Variants in SLC7A6 observed in about 807,000 individuals in gnomAD.
SLC7A6 encodes solute carrier family 7 member 6, also known as Y+L amino acid transporter 2.
SLC7A6 carries 29 observed loss-of-function variants against 46.6 expected under a neutral mutation model. The ratio of observed to expected loss-of-function variants is 0.62; its 90% CI spans 0.46 to 0.85. SLC7A6 has a LOEUF of 0.85. Among genes scored for constraint, SLC7A6 ranks in the 40% least tolerant of loss-of-function variants. SLC7A6 has a pLI of 0.00. For synonymous variants in SLC7A6, 276 were observed against 257.3 expected, an observed-to-expected ratio of 1.07 and a Z score of -0.70; for missense variants, 527 against 647.6, an observed-to-expected ratio of 0.81 and a Z score of 2.02.
intron 2 of SLC7A6, among the ~76,000 whole-genome samples, chr16:68,269,377 T>G (rs905006072): frequency 6.6e-5 from 10 of 152,156 alleles, no homozygotes; most frequent in African/African-American, 2.4e-4. Context: ...CTGAGGTATA[T>G]AGTATTTATT....
chr16:68,274,554 A>T, intron 2 of SLC7A6, 137 bp from the exon 3 acceptor site: 1 of 676,322 alleles, frequency 1.5e-6, no homozygotes, highest in Non-Finnish European at 2.5e-6. Context: ...CTATGGTGGG[A>T]ACTGAGACAG....
At position 68,290,560 on chromosome 16, in the gene SLC7A6, C is replaced by G; in HGVS notation, c.794+20C>G. On this transcript the variant is annotated intron_variant, in intron 5 of 10. Coordinates refer to ENST00000219343, the MANE Select transcript of SLC7A6 (RefSeq NM_003983.6). Reference sequence around the variant, plus strand: ...AGAAAGGTAAAGATGGGATCACACTCTCACTCCCCAGCTTGGCTGGAACTC... The same window carrying G: ...AGAAAGGTAAAGATGGGATCACACTGTCACTCCCCAGCTTGGCTGGAACTC... 13 of 1,613,656 alleles carry G rather than the reference C, an allele frequency of 8.1e-6. No homozygotes were observed. Among genetic ancestry groups the G allele is most frequent in the Non-Finnish European group, 7.6e-6 (9 of 1,179,742 alleles).
intron 2 of SLC7A6, among the ~76,000 whole-genome samples, chr16:68,273,360 G>A (rs898827861): frequency 6.6e-6 from 1 of 152,284 alleles, no homozygotes; most frequent in South Asian, 2.1e-4. Context: ...TTATCTCTGT[G>A]ACCTTAAAGG....
At chr16:68,285,527 C>A (rs1480324056) in intron 3 of SLC7A6, among the ~76,000 whole-genome samples, 2 of 152,138 alleles carry the variant, frequency 1.3e-5, no homozygotes, top group Non-Finnish European at 2.9e-5. Flanking sequence ...TGACCACTGT[C>A]CCCCTACTCC....
intron 7 of SLC7A6, chr16:68,292,144 C>T (rs1015809288): frequency 3.8e-5 from 6 of 157,402 alleles, no homozygotes; most frequent in African/African-American, 1.2e-4. Context: ...TTCATTCCTT[C>T]AGTAAATGAT....
rs746561816 is a variant in SLC7A6 at position 68,290,427 on chromosome 16, G to C, written c.681G>C (p.Glu227Asp). 1 of 1,614,082 alleles carries C rather than the reference G, an allele frequency of 6.2e-7. No individual in the cohort carries two copies. Among genetic ancestry groups the C allele is most frequent in the Non-Finnish European group, 8.5e-7 (1 of 1,180,020 alleles). Residue 227 changes from glutamate (E) to aspartate (D), a missense_variant, in exon 5 of 11, where the codon GAG becomes GAC. Glu to Asp is a conservative substitution (Grantham distance 45). Coordinates refer to ENST00000219343, the MANE Select transcript of SLC7A6 (RefSeq NM_003983.6). The part of the protein sequence containing the change: ...GHSEHFQDAF[E>D]GSSWDMGNLS... ...CTGAGCACTTTCAGGACGCCTTTGA[G>C]GGTTCCTCCTGGGACATGGGAAACC...
chr16:68,287,244 C>G lies in SLC7A6; in HGVS notation c.524-502C>G, dbSNP rs951314378. On this transcript the variant is annotated intron_variant, in intron 3 of 10. Coordinates refer to ENST00000219343, the MANE Select transcript of SLC7A6 (RefSeq NM_003983.6). ...CCATCTGCCTCAGTTTCCCAAAGTG[C>G]TGGGATTACAGGTGTGAGCCACTGC... The G allele has an allele frequency of 1.1e-5, 12 of 1,087,338 alleles. No individual in the cohort carries two copies. In the Admixed American group the frequency reaches 2.2e-4, roughly 20 times the overall value. The allele number at this position is 1,087,338 out of a possible 1,614,324, so 67.4% of individuals were successfully genotyped here.
intron 3 of SLC7A6, among the ~76,000 whole-genome samples, chr16:68,278,039 C>T (rs1015406324): frequency 5.9e-5 from 9 of 151,918 alleles, no homozygotes; most frequent in Admixed American, 1.3e-4. Context: ...TCACTGCATC[C>T]TCCACCTCCC....
chr16:68,268,883 T>C (rs1460338326), intron 2 of SLC7A6, among the ~76,000 whole-genome samples: 1 of 152,114 alleles, frequency 6.6e-6, no homozygotes, highest in East Asian at 1.9e-4. Context: ...GGCGCATGCC[T>C]GTAATCCCAG....
At chr16:68,286,028 C>T (rs890832959) in intron 3 of SLC7A6, among the ~76,000 whole-genome samples, 3 of 139,854 alleles carry the variant, frequency 2.1e-5, no homozygotes, top group South Asian at 2.3e-4. Flanking sequence ...CCCTGGACAT[C>T]GAGGCTGCAG....
intron 3 of SLC7A6, among the ~76,000 whole-genome samples, chr16:68,286,140 T>C (rs558988730): frequency 5.5e-5 from 8 of 144,798 alleles, no homozygotes; most frequent in Admixed American, 3.4e-4. Context: ...AATAAAATGA[T>C]ATACTGCTGT....
intron 1 of SLC7A6, chr16:68,265,910 A>T (rs1205305291): frequency 2.0e-5 from 3 of 152,234 alleles, no homozygotes; most frequent in South Asian, 2.1e-4. Context: ...TAGTAGAAGA[A>T]ATTTCCTGAC....
chr16:68,296,550 T>C (rs1358260023), intron 9 of SLC7A6, 37 bp downstream of exon 9: 4 of 1,613,942 alleles, frequency 2.5e-6, no homozygotes, highest in African/African-American at 1.3e-5. Flanking sequence ...GGGTGGGCCA[T>C]CTCCCTAAGG....
intron 2 of SLC7A6, among the ~76,000 whole-genome samples, chr16:68,270,015 G>C (rs1294246859): frequency 6.6e-6 from 1 of 152,108 alleles, no homozygotes; most frequent in African/African-American, 2.4e-5. Flanking sequence ...AGTTCCTCCA[G>C]CCTTAGCCTC....
chr16:68,295,596 T>A (rs949725653), intron 8 of SLC7A6, among the ~76,000 whole-genome samples: 87 of 152,222 alleles, frequency 5.7e-4, no homozygotes, highest in Non-Finnish European at 1.3e-4. Flanking sequence ...AGCCTTCTCT[T>A]CTTAATACAG....
intron 7 of SLC7A6, among the ~76,000 whole-genome samples, chr16:68,293,822 C>G (rs1459753298): frequency 6.6e-6 from 1 of 152,242 alleles, no homozygotes; most frequent in African/African-American, 2.4e-5. Context: ...GCACAAGCCT[C>G]AAGCCTAGCG....
At chr16:68,277,888 A>G (rs2042742892) in intron 3 of SLC7A6, among the ~76,000 whole-genome samples, 1 of 151,818 alleles carries the variant, frequency 6.6e-6, no homozygotes, top group Non-Finnish European at 1.5e-5. Flanking sequence ...GGCCTCCCAA[A>G]GTGCTGGGAT....
At chr16:68,282,002 G>A (rs894927659) in intron 3 of SLC7A6, among the ~76,000 whole-genome samples, 4 of 152,236 alleles carry the variant, frequency 2.6e-5, no homozygotes, top group African/African-American at 9.6e-5. Context: ...TGGGAAGGAT[G>A]AGACTGGAGG....
At chr16:68,268,241 T>G (rs959343115) in intron 2 of SLC7A6, among the ~76,000 whole-genome samples, 1 of 152,144 alleles carries the variant, frequency 6.6e-6, no homozygotes, top group Non-Finnish European at 1.5e-5. Context: ...GGGGCAGTCT[T>G]GTGGAACTGA....
Sources: gnomAD v4.1 joint callset for allele counts (sites outside exome capture counted in the v4.1 genomes callset) on GRCh38, gnomAD v4.1.1 for gene constraint, MANE v1.5 for transcripts, NCBI Gene and HGNC (gene_info 2026-07-23, HGNC 2026-07-21) for gene names.